UNC79: variants seen among roughly 807,000 people sequenced by gnomAD.
UNC79 encodes protein unc-79 homolog.
UNC79 carries 37 observed loss-of-function variants against 283.1 expected under a neutral mutation model. The ratio of observed to expected loss-of-function variants is 0.13; its 90% CI spans 0.10 to 0.17. The LOEUF is 0.17. UNC79 is among the 10% of genes least tolerant of loss of function. The pLI is 1.00. For synonymous variants in UNC79, 1,107 were observed against 1,200.2 expected (o/e 0.92, Z 1.61); for missense variants, 2,272 against 3,211.1 (o/e 0.71, Z 7.07).
chr14:93,365,151 C>T (rs779525121), intron 1 of UNC79, among the ~76,000 whole-genome samples: 18 of 151,882 alleles, frequency 1.2e-4, no homozygotes, highest in Non-Finnish European at 1.8e-4. Context: ...TTTGGGAGGC[C>T]GAGGTGGGTG....
chr14:93,641,544 T>C (rs890145493), intron 33 of UNC79, among the ~76,000 whole-genome samples: 14 of 152,068 alleles, frequency 9.2e-5, no homozygotes, highest in African/African-American at 3.4e-4. Flanking sequence ...TCCCAGCTGC[T>C]AGGGAGGCTG....
intron 1 of UNC79, among the ~76,000 whole-genome samples, chr14:93,466,077 T>TTATTTACTACCAAA: frequency 6.6e-6 from 1 of 152,354 alleles, no homozygotes; most frequent in African/African-American, 2.4e-5. Context: ...GGAAAAAAAG[T>TTATTTACTACCAAA]TATTTACTAC....
intron 29 of UNC79, among the ~76,000 whole-genome samples, chr14:93,618,971 T>C (rs1040839163): frequency 6.6e-6 from 1 of 151,968 alleles, no homozygotes; most frequent in Non-Finnish European, 1.5e-5. Context: ...AGAACCAGGG[T>C]GTATATTTTT....
At chr14:93,700,969 G>A (rs2075485922) in intron 47 of UNC79, among the ~76,000 whole-genome samples, 2 of 151,870 alleles carry the variant, frequency 1.3e-5, no homozygotes, top group South Asian at 4.2e-4. Flanking sequence ...CTCAGCTGAA[G>A]ACTCAGGGGG....
intron 1 of UNC79, among the ~76,000 whole-genome samples, chr14:93,451,307 C>G (rs116942778): frequency 0.013 from 2,019 of 152,180 alleles, 27 homozygotes; most frequent in Middle Eastern, 0.027. Context: ...TTACTGGGGG[C>G]ACCCCTGGTG....
At position 93,431,047 on chromosome 14, in the gene UNC79, G is replaced by A. The variant is rs1001221046; in HGVS notation, c.18G>A (p.Glu6=). ...ACAGCACCATGTCCACCAAAGCGGAGCAGTGTAAGTAGCAGCCGGCCCGGC... is the reference window on the plus strand; with the variant it reads ...ACAGCACCATGTCCACCAAAGCGGAACAGTGTAAGTAGCAGCCGGCCCGGC... The change falls in exon 1 of 49, where the codon GAG becomes GAA. Residue 6 remains glutamate (E), a synonymous_variant. Coordinates refer to ENST00000555664, the Ensembl canonical transcript of UNC79. The A allele has an allele frequency of 1.1e-5, 8 of 701,766 alleles. No individual in the cohort carries two copies. The African/African-American group carries it at 1.2e-4, about 11-fold the overall frequency. The allele number at this position is 701,766 out of a possible 1,614,324, so 43.5% of individuals were successfully genotyped here.
rs1042103503 is a variant in UNC79, at chr14:93,419,643, G to A, written c.-350-48028G>A. Among the ~76,000 whole-genome samples the A allele has an allele frequency of 4.8e-4, 73 of 151,884 alleles. 1 individual carries two copies. The highest frequency in any genetic ancestry group is 1.6e-3 in the African/African-American group (65 of 41,514). On this transcript the variant is annotated intron_variant, in intron 1 of 49. Transcript: ENST00000256339. Reference sequence around the variant, plus strand: ...TCTTTTTGCTTATTTGTTTACTTACGCACACAGTGTTAAGTTGTTATCAGC... The same window carrying A: ...TCTTTTTGCTTATTTGTTTACTTACACACACAGTGTTAAGTTGTTATCAGC...
chr14:93,383,773 C>T (rs1008712906), intron 1 of UNC79, among the ~76,000 whole-genome samples: 1 of 152,110 alleles, frequency 6.6e-6, no homozygotes, highest in African/African-American at 2.4e-5. Flanking sequence ...GTAACACGCA[C>T]AATTCCCATG....
At chr14:93,500,837 G>A (rs779210062) in intron 7 of UNC79, among the ~76,000 whole-genome samples, 44 of 152,288 alleles carry the variant, frequency 2.9e-4, no homozygotes, top group Middle Eastern at 6.8e-3. Context: ...TAAAGCATTA[G>A]AAATTGTCTG....
At chr14:93,518,532 G>A (rs1347502869) in intron 7 of UNC79, among the ~76,000 whole-genome samples, 1 of 151,592 alleles carries the variant, frequency 6.6e-6, no homozygotes, top group Non-Finnish European at 1.5e-5. Flanking sequence ...TTTATCTATG[G>A]ATTTTCTGAT....
At chr14:93,491,635 G>A (rs1045063673) in intron 5 of UNC79, among the ~76,000 whole-genome samples, 1 of 152,168 alleles carries the variant, frequency 6.6e-6, no homozygotes, top group African/African-American at 2.4e-5. Context: ...AAATGCTGCT[G>A]TGAAGATTTA....
intron 1 of UNC79, among the ~76,000 whole-genome samples, chr14:93,460,523 A>G (rs1340531739): frequency 6.6e-6 from 1 of 151,198 alleles, no homozygotes; most frequent in African/African-American, 2.4e-5. Flanking sequence ...AAAAAAAAAA[A>G]AAAGTATATA....
chr14:93,477,764 A>G (rs373371443), intron 4 of UNC79, 36 bp downstream of exon 4: 134 of 1,574,724 alleles, frequency 8.5e-5, no homozygotes, highest in Non-Finnish European at 1.1e-4. Flanking sequence ...GATTATTTTT[A>G]TGTATGATAT....
chr14:93,650,298 T>C (rs1163307378), intron 35 of UNC79, among the ~76,000 whole-genome samples: 1 of 152,106 alleles, frequency 6.6e-6, no homozygotes. Context: ...TTAAAACAAG[T>C]GTTTTTATTT....
intron 38 of UNC79, 76 bp from the exon 42 acceptor site, chr14:93,659,117 C>A: frequency 1.7e-6 from 2 of 1,195,090 alleles, no homozygotes; most frequent in Non-Finnish European, 1.2e-6. Flanking sequence ...AAACTAAATG[C>A]TTTCAGAACA....
At chr14:93,434,669 G>A (rs551714571) in intron 1 of UNC79, among the ~76,000 whole-genome samples, 13 of 152,234 alleles carry the variant, frequency 8.5e-5, no homozygotes, top group African/African-American at 2.4e-4. Context: ...TTTGCTCCCT[G>A]TAAACTCTGT....
At chr14:93,570,266 C>T (rs898828062) in intron 14 of UNC79, among the ~76,000 whole-genome samples, 15 of 152,154 alleles carry the variant, frequency 9.9e-5, no homozygotes, top group African/African-American at 3.1e-4. Flanking sequence ...ATAGCATTCA[C>T]GGATTGGCCT....
chr14:93,386,108 C>T (rs1160917476), intron 1 of UNC79, among the ~76,000 whole-genome samples: 1 of 152,116 alleles, frequency 6.6e-6, no homozygotes, highest in African/African-American at 2.4e-5. Context: ...AGCTGTGGGT[C>T]TATCATATAT....
At chr14:93,559,343 A>G (rs2062398329) in intron 14 of UNC79, among the ~76,000 whole-genome samples, 1 of 152,236 alleles carries the variant, frequency 6.6e-6, no homozygotes, top group Non-Finnish European at 1.5e-5. Context: ...ACATACTACT[A>G]AGTTAGGTTT....
Sources: gnomAD v4.1 joint callset for allele counts (sites outside exome capture counted in the v4.1 genomes callset) on GRCh38, gnomAD v4.1.1 for gene constraint, MANE v1.5 for transcripts, NCBI Gene and HGNC (gene_info 2026-07-23, HGNC 2026-07-21) for gene names.